Variants in RETREG1 observed in about 807,000 individuals in gnomAD.
RETREG1 encodes the protein reticulophagy regulator 1.
RETREG1 carries 44 observed loss-of-function variants against 54.8 expected under a neutral mutation model. The ratio of observed to expected loss-of-function variants is 0.80; its 90% confidence interval spans 0.63 to 1.03. The LOEUF (loss-of-function observed/expected upper bound fraction) is 1.03. Among genes scored for constraint, RETREG1 ranks in the 50% least tolerant of loss-of-function variants. The probability of loss-of-function intolerance (pLI) is 0.00; values close to 1 mark genes in which losing one functional copy is unlikely to be tolerated. For missense variants in RETREG1, 554 were observed against 605.1 expected, an observed-to-expected ratio of 0.92 and a Z score of 0.89; for synonymous variants, 217 against 238.5, an observed-to-expected ratio of 0.91 and a Z score of 0.83.
At chr5:16,527,751 A>T (rs923633968) in intron 3 of RETREG1, among the ~76,000 whole-genome samples, 1 of 149,056 alleles carries the variant, frequency 6.7e-6, no homozygotes, top group African/African-American at 2.5e-5. Context: ...TGTGATGAAG[A>T]CTGATCAAAA....
intron 3 of RETREG1, among the ~76,000 whole-genome samples, chr5:16,551,828 A>T (rs762632873): frequency 6.6e-6 from 1 of 152,116 alleles, no homozygotes; most frequent in Non-Finnish European, 1.5e-5. Context: ...GTCAGCTGGG[A>T]TGCATTCCTT....
intron 3 of RETREG1, among the ~76,000 whole-genome samples, chr5:16,515,494 T>C (rs1289200376): frequency 6.6e-6 from 1 of 152,174 alleles, no homozygotes; most frequent in Non-Finnish European, 1.5e-5. Flanking sequence ...TAGAACTGTA[T>C]ACATAAAAAC....
Position 16,616,947 on chromosome 5 carries a change from G to A in RETREG1, c.25C>T (p.His9Tyr). MASPAPPE[H>Y]AEEGCPAPAA... The stretch of plus-strand genomic sequence containing the variant: ...GGAGCCGGGCATCCCTCCTCGGCGT[G>A]CTCCGGAGGCGCCGGGCTCGCCATC... The change falls in exon 1 of 9, where the codon CAC becomes TAC. Residue 9 changes from histidine to tyrosine, a missense_variant. By Grantham distance (83) the His-to-Tyr change is moderately conservative. Around this residue, in one of 4 missense-constraint regions of RETREG1, gnomAD observed 175 missense variants for 142.1 expected, o/e 1.23. Coordinates refer to ENST00000306320, the MANE Select transcript of RETREG1 (RefSeq NM_001034850.3). 1 of 1,448,808 alleles carries A rather than the reference G, an allele frequency of 6.9e-7. No individual in the cohort carries two copies. 89.7% of individuals were successfully genotyped at this position (1,448,808 alleles called of 1,614,324 possible).
intron 3 of RETREG1, among the ~76,000 whole-genome samples, chr5:16,537,280 G>A (rs1741100588): frequency 6.6e-6 from 1 of 152,212 alleles, no homozygotes; most frequent in African/African-American, 2.4e-5. Flanking sequence ...CCAGGTACCT[G>A]TTTAGAAAGA....
chr5:16,493,185 T>C (rs542161628), intron 3 of RETREG1, among the ~76,000 whole-genome samples: 2 of 152,352 alleles, frequency 1.3e-5, no homozygotes, highest in Admixed American at 1.3e-4. Context: ...GCACTGCTAC[T>C]TCTCCAGGTG....
intron 3 of RETREG1, among the ~76,000 whole-genome samples, chr5:16,489,762 G>A (rs1026544379): frequency 2.0e-5 from 3 of 152,114 alleles, no homozygotes; most frequent in Non-Finnish European, 4.4e-5. Flanking sequence ...ACACACACTG[G>A]TGATACATGA....
chr5:16,576,566 A>G (rs1378702701), intron 1 of RETREG1, among the ~76,000 whole-genome samples: 1 of 151,850 alleles, frequency 6.6e-6, no homozygotes, highest in African/African-American at 2.4e-5. Flanking sequence ...GCTCACCGCA[A>G]CCTCCGCCTC....
At chr5:16,595,100 G>A (rs1002524691) in intron 1 of RETREG1, among the ~76,000 whole-genome samples, 9 of 152,162 alleles carry the variant, frequency 5.9e-5, no homozygotes, top group African/African-American at 1.7e-4. Flanking sequence ...ATAAGTAACT[G>A]AGCCCCAGAC....
intron 3 of RETREG1, among the ~76,000 whole-genome samples, chr5:16,540,458 GA>G (rs1442008300): frequency 1.3e-5 from 2 of 152,194 alleles, no homozygotes; most frequent in Non-Finnish European, 2.9e-5. Context: ...AGTTATTACA[GA>G]AAGGATCTTA....
intron 1 of RETREG1, among the ~76,000 whole-genome samples, chr5:16,615,412 A>AAAG (rs1554026583): frequency 8.4e-4 from 126 of 150,182 alleles, no homozygotes; most frequent in African/African-American, 3.0e-3. Flanking sequence ...AAAAAAAAAA[A>AAAG]AAAGAAAGAA....
intron 3 of RETREG1, among the ~76,000 whole-genome samples, chr5:16,526,321 G>A (rs538775966): frequency 8.3e-4 from 126 of 152,342 alleles, no homozygotes; most frequent in Non-Finnish European, 1.4e-3. Context: ...CTTACTGGGA[G>A]CGTATTCTGT....
At chr5:16,580,484 G>A (rs1219616955) in intron 1 of RETREG1, among the ~76,000 whole-genome samples, 3 of 152,324 alleles carry the variant, frequency 2.0e-5, no homozygotes, top group Non-Finnish European at 1.5e-5. Context: ...CTCTGTAGAA[G>A]AACTAAATAC....
chr5:16,545,689 T>C (rs1741366999), intron 3 of RETREG1, among the ~76,000 whole-genome samples: 1 of 152,216 alleles, frequency 6.6e-6, no homozygotes, highest in African/African-American at 2.4e-5. Flanking sequence ...AAGTTGCTTC[T>C]GTTCCTGGGA....
At position 16,615,195 on chromosome 5, in the gene RETREG1, A is replaced by T. The variant is rs1743461921; in HGVS notation, c.320+1457T>A. On this transcript the variant is annotated intron_variant, in intron 1 of 8. Coordinates refer to ENST00000306320, the MANE Select transcript of RETREG1 (RefSeq NM_001034850.3). ...GACGGATCACGAGGTCAGGAGATCG[A>T]GACCATCCTGGCTAACACGGTGAAA... Among the ~76,000 whole-genome samples, 2 of 152,124 alleles carry T rather than the reference A, an allele frequency of 1.3e-5. 1 individual carries two copies. Among genetic ancestry groups the T allele is most frequent in the African/African-American group, 4.8e-5 (2 of 41,438 alleles).
intron 3 of RETREG1, chr5:16,508,694 T>C: frequency 1.2e-6 from 2 of 1,605,870 alleles, no homozygotes; most frequent in South Asian, 1.1e-5. Context: ...AATAGTTTCT[T>C]TTCTACTCTA....
rs181488963 is a variant in RETREG1, at chr5:16,590,004, T to C, written c.321-17902A>G. Among the ~76,000 whole-genome samples, 131 of 152,328 alleles carry C rather than the reference T, an allele frequency of 8.6e-4. 1 individual carries two copies. The highest frequency in any genetic ancestry group is 3.4e-3 in the Middle Eastern group (1 of 292). On this transcript the variant is annotated intron_variant, in intron 1 of 8. Coordinates refer to ENST00000306320, the MANE Select transcript of RETREG1 (RefSeq NM_001034850.3). ...AACTAAGAGTGGAAGAGGATGTCCA[T>C]GCTCATGTCCAAGTGCACAAGCATG...
At position 16,478,100 on chromosome 5, in the gene RETREG1, T is replaced by C; in HGVS notation, c.809-2A>G. ...TGTGACTTTTTTCTTTGTCTGCTTC[T>C]GTTGAGGAAAAAATTTGGAAGCTTT... On this transcript the variant is annotated splice_acceptor_variant, in intron 6 of 8. Coordinates refer to ENST00000306320, the MANE Select transcript of RETREG1 (RefSeq NM_001034850.3). LOFTEE classifies it high-confidence loss of function. 6.2e-7 allele frequency: 1 copy of C among 1,608,252 alleles called. No homozygotes were observed. The highest frequency in any genetic ancestry group is 8.5e-7 in the Non-Finnish European group (1 of 1,175,624).
chr5:16,565,808 A>G lies in RETREG1; in HGVS notation c.428-15T>C, dbSNP rs1741990548. On this transcript the variant is annotated splice_polypyrimidine_tract_variant and intron_variant, in intron 2 of 8. Coordinates refer to ENST00000306320, the MANE Select transcript of RETREG1 (RefSeq NM_001034850.3). The stretch of plus-strand genomic sequence containing the variant: ...CAACTGTGCACCTGCAACAGGGAGA[A>G]GCAAAATGTGAAACTTAACAGAGGT... The G allele has an allele frequency of 1.2e-6, 2 of 1,613,176 alleles. No individual in the cohort carries two copies. The highest frequency in any genetic ancestry group is 1.7e-6 in the Non-Finnish European group (2 of 1,179,796).
intron 3 of RETREG1, among the ~76,000 whole-genome samples, chr5:16,502,830 G>A (rs1739771550): frequency 6.6e-6 from 1 of 152,236 alleles, no homozygotes; most frequent in Admixed American, 6.5e-5. Flanking sequence ...TGCCCACATA[G>A]TTTCTGCAGG....
Sources: allele counts gnomAD v4.1 joint callset (sites outside exome capture counted in the v4.1 genomes callset), GRCh38; gene constraint gnomAD v4.1.1; regional missense constraint gnomAD v4.1.1; transcripts MANE v1.5; gene names NCBI Gene and HGNC (gene_info 2026-07-23, HGNC 2026-07-21).